ALG9: variants seen among roughly 807,000 people sequenced by gnomAD.
ALG9 encodes the protein alpha-1,2-mannosyltransferase ALG9.
A neutral mutation model predicts 81.8 loss-of-function variants in ALG9; 55 were observed. That is an observed-to-expected ratio of 0.67 (90% CI 0.54 to 0.84). The LOEUF is 0.84. ALG9 is among the 40% of genes least tolerant of loss of function. The pLI, the probability that ALG9 is intolerant of heterozygous loss-of-function variation, is 0.00. For synonymous variants in ALG9, 278 were observed against 274.3 expected, an observed-to-expected ratio of 1.01 and a Z score of -0.13; for missense variants, 629 against 745.0, an observed-to-expected ratio of 0.84 and a Z score of 1.81.
intron 13 of ALG9, among the ~76,000 whole-genome samples, chr11:111,822,408 C>CAAAAAAA (rs56367678): frequency 1.5e-5 from 1 of 66,532 alleles, no homozygotes. Context: ...AACTCAGTCT[C>CAAAAAAA]AAAAAAAAAA....
At chr11:111,849,276 C>T (rs1957394781) in intron 8 of ALG9, among the ~76,000 whole-genome samples, 1 of 152,064 alleles carries the variant, frequency 6.6e-6, no homozygotes. Context: ...GTCTCGAACT[C>T]CTGGCCTCAA....
chr11:111,866,305 CA>C (rs1418555700), intron 3 of ALG9, among the ~76,000 whole-genome samples: 1 of 151,638 alleles, frequency 6.6e-6, no homozygotes, highest in Admixed American at 6.6e-5. Context: ...CAAAAACAAA[CA>C]AAAAAAATGG....
intron 11 of ALG9, among the ~76,000 whole-genome samples, 162 bp downstream of exon 11, chr11:111,838,087 T>C (rs564067654): frequency 1.1e-4 from 16 of 152,362 alleles, no homozygotes; most frequent in African/African-American, 3.6e-4. Context: ...AATCCTAAGA[T>C]ACAGAAGTCA....
chr11:111,864,282 T>C (rs1370260590), intron 4 of ALG9: 3 of 1,130,112 alleles, frequency 2.7e-6, no homozygotes, highest in Middle Eastern at 2.0e-4. Context: ...GTTGCCGCTA[T>C]GAAGAAAGTG....
At chr11:111,859,985 C>T (rs1009122277) in intron 5 of ALG9, among the ~76,000 whole-genome samples, 1 of 152,070 alleles carries the variant, frequency 6.6e-6, no homozygotes. Flanking sequence ...AGTCTGAAAG[C>T]CAATGCTCTA....
intron 3 of ALG9, among the ~76,000 whole-genome samples, chr11:111,866,271 T>C (rs1015040043): frequency 6.6e-6 from 1 of 152,152 alleles, no homozygotes; most frequent in East Asian, 1.9e-4. Flanking sequence ...CACTCCAGCC[T>C]GGCGACAGAG....
chr11:111,864,129 A>G, intron 4 of ALG9: 1 of 493,212 alleles, frequency 2.0e-6, no homozygotes, highest in Non-Finnish European at 3.7e-6. Flanking sequence ...CCCAAAAACT[A>G]TTGAAAAATA....
At chr11:111,768,844 T>C in the ALG9 span, 4 of 128,634 alleles carry the variant, frequency 3.1e-5, no homozygotes, top group South Asian at 2.1e-4. Context: ...TGTGTGTGCG[T>C]GTGTGTGTGT....
At chr11:111,837,419 C>T (rs1235825093) in intron 12 of ALG9, 49 bp downstream of exon 12, 8 of 1,604,962 alleles carry the variant, frequency 5.0e-6, no homozygotes, top group East Asian at 2.2e-5. Flanking sequence ...TATAGAACTG[C>T]TCTATTTACT....
intron 9 of ALG9, 139 bp from the exon 10 acceptor site, chr11:111,840,948 T>C: frequency 9.9e-7 from 1 of 1,009,304 alleles, no homozygotes; most frequent in South Asian, 1.4e-5. Flanking sequence ...GTATTCACAC[T>C]TTCTCCAATG....
At chr11:111,824,118 T>A (rs1952854568) in intron 13 of ALG9, among the ~76,000 whole-genome samples, 3 of 152,238 alleles carry the variant, frequency 2.0e-5, no homozygotes, top group Admixed American at 2.0e-4. Context: ...ATCGCTTGAT[T>A]TCTTCTGTTT....
chr11:111,866,858 C>G (rs576675241), intron 3 of ALG9, among the ~76,000 whole-genome samples: 1 of 151,684 alleles, frequency 6.6e-6, no homozygotes, highest in East Asian at 1.9e-4. Context: ...CTTTGGAGGC[C>G]AAGGCAGGTG....
chr11:111,866,248 G>T (rs1555152888), intron 3 of ALG9, among the ~76,000 whole-genome samples: 2 of 152,202 alleles, frequency 1.3e-5, no homozygotes, highest in African/African-American at 4.8e-5. Flanking sequence ...AGTGAGCCGA[G>T]ATCGTGCCAC....
intron 13 of ALG9, among the ~76,000 whole-genome samples, 173 bp from the exon 14 acceptor site, chr11:111,809,946 G>C (rs913955140): frequency 1.3e-5 from 2 of 152,070 alleles, no homozygotes; most frequent in Non-Finnish European, 2.9e-5. Context: ...AGGCTCTTGT[G>C]GGGGAGAGGC....
chr11:111,809,256 T>A (rs1330931037), intron 14 of ALG9, among the ~76,000 whole-genome samples: 1 of 152,166 alleles, frequency 6.6e-6, no homozygotes, highest in South Asian at 2.1e-4. Flanking sequence ...GGGCCGGGCA[T>A]GGTGACTCAT....
rs1948442136 is a variant in ALG9, at chr11:111,797,304, GC to G, written c.1734-10785del. 2.0e-5 allele frequency among the ~76,000 whole-genome samples: 3 copies of G among 152,228 alleles called. No homozygotes were observed. The South Asian group carries it at 6.2e-4, about 31-fold the overall frequency. On this transcript the variant is annotated intron_variant, in intron 14 of 14. Transcript: ENST00000616540. The stretch of plus-strand genomic sequence containing the variant: ...TTGAGATGCTTACTCTTGGAAGTCA[GC>G]CACCATGCTATAAGGAAGCCCAAGC...
At chr11:111,857,457 A>C in intron 6 of ALG9, 145 bp downstream of exon 6, 1 of 1,059,918 alleles carries the variant, frequency 9.4e-7, no homozygotes, top group South Asian at 1.4e-5. Flanking sequence ...AGTAAGTGCT[A>C]AGAGAAATAT....
At chr11:111,777,049 TA>T in the ALG9 span, among the ~76,000 whole-genome samples, 3 of 152,346 alleles carry the variant, frequency 2.0e-5, no homozygotes, top group East Asian at 5.8e-4. Flanking sequence ...GAGGTAAAGT[TA>T]GGACTTTGTA....
intron 5 of ALG9, among the ~76,000 whole-genome samples, chr11:111,859,224 C>A (rs1277065344): frequency 1.3e-5 from 2 of 152,138 alleles, no homozygotes; most frequent in Non-Finnish European, 2.9e-5. Flanking sequence ...AGAAAAGAGG[C>A]CACGTGCGGT....
Sources: gnomAD v4.1 joint callset for allele counts (sites outside exome capture counted in the v4.1 genomes callset) on GRCh38, gnomAD v4.1.1 for gene constraint, MANE v1.5 for transcripts, NCBI Gene and HGNC (gene_info 2026-07-23, HGNC 2026-07-21) for gene names.